MIPEP: variants seen among roughly 807,000 people sequenced by gnomAD.
MIPEP encodes mitochondrial intermediate peptidase.
MIPEP carries 79 observed loss-of-function variants against 90.3 expected under a neutral mutation model. The ratio of observed to expected loss-of-function variants is 0.87; its 90% CI spans 0.73 to 1.05. The LOEUF is 1.05. Ranked by LOEUF, MIPEP falls within the 50% of genes least tolerant of loss-of-function variation. The pLI, the probability that MIPEP is intolerant of heterozygous loss-of-function variation, is 0.00. For missense variants in MIPEP, 940 were observed against 905.6 expected, an observed-to-expected ratio of 1.04 and a Z score of -0.49; for synonymous variants, 334 against 315.8, an observed-to-expected ratio of 1.06 and a Z score of -0.61.
chr13:23,775,895 A>C (rs1952710024), intron 16 of MIPEP, among the ~76,000 whole-genome samples: 1 of 152,224 alleles, frequency 6.6e-6, no homozygotes, highest in Non-Finnish European at 1.5e-5. Flanking sequence ...AACTCTGGAT[A>C]AAATATTTAA....
chr13:23,865,915 C>T (rs2137509390), intron 7 of MIPEP, among the ~76,000 whole-genome samples: 1 of 152,260 alleles, frequency 6.6e-6, no homozygotes, highest in African/African-American at 2.4e-5. Context: ...AAGTGATCTG[C>T]CTGCCTCAGC....
At chr13:23,875,286 A>T (rs114260217) in intron 4 of MIPEP, among the ~76,000 whole-genome samples, 2 of 152,116 alleles carry the variant, frequency 1.3e-5, no homozygotes, top group African/African-American at 4.8e-5. Flanking sequence ...GTTTGTAATA[A>T]ATAATTATTT....
At chr13:23,874,198 A>G (rs1379894817) in intron 5 of MIPEP, among the ~76,000 whole-genome samples, 1 of 152,176 alleles carries the variant, frequency 6.6e-6, no homozygotes, top group African/African-American at 2.4e-5. Flanking sequence ...TGAACTTCCA[A>G]TGGTGTCAAG....
At chr13:23,795,277 G>C (rs1054230007) in intron 16 of MIPEP, among the ~76,000 whole-genome samples, 8 of 152,092 alleles carry the variant, frequency 5.3e-5, no homozygotes, top group Non-Finnish European at 1.0e-4. Flanking sequence ...TCTGGAGAGA[G>C]AGCAGTAAAT....
At chr13:23,875,255 A>G (rs1042453694) in intron 4 of MIPEP, among the ~76,000 whole-genome samples, 4 of 152,124 alleles carry the variant, frequency 2.6e-5, no homozygotes, top group Admixed American at 2.6e-4. Flanking sequence ...CAGGTTTGTA[A>G]TAAATAATTT....
chr13:23,817,145 G>A (rs1309387810), intron 14 of MIPEP, among the ~76,000 whole-genome samples: 2 of 152,184 alleles, frequency 1.3e-5, no homozygotes, highest in Non-Finnish European at 2.9e-5. Context: ...AGGTGGATGG[G>A]CAAATCCCAA....
intron 14 of MIPEP, among the ~76,000 whole-genome samples, chr13:23,822,093 G>A (rs1281452213): frequency 2.0e-5 from 3 of 152,164 alleles, no homozygotes; most frequent in Non-Finnish European, 4.4e-5. Context: ...TTGTACTACC[G>A]TAACAGTGGT....
intron 7 of MIPEP, 127 bp downstream of exon 7, chr13:23,869,165 G>T (rs1485979663): frequency 1.2e-6 from 1 of 843,710 alleles, no homozygotes; most frequent in East Asian, 2.8e-5. Flanking sequence ...AAAATACATA[G>T]AAAATCTCAA....
chr13:23,860,957 G>A (rs1419306538), intron 9 of MIPEP, among the ~76,000 whole-genome samples: 1 of 152,168 alleles, frequency 6.6e-6, no homozygotes, highest in Admixed American at 6.5e-5. Flanking sequence ...GGAGTGTGCA[G>A]TGCCTGGGGT....
chr13:23,751,128 T>C (rs1952436103), intron 18 of MIPEP, among the ~76,000 whole-genome samples: 2 of 152,232 alleles, frequency 1.3e-5, no homozygotes, highest in African/African-American at 4.8e-5. Flanking sequence ...AAGAAACTAG[T>C]AGATAGATAT....
intron 14 of MIPEP, among the ~76,000 whole-genome samples, chr13:23,826,748 T>C (rs1431178211): frequency 6.6e-6 from 1 of 151,610 alleles, no homozygotes; most frequent in Non-Finnish European, 1.5e-5. Context: ...AAAACAAGGA[T>C]GGAGGAAGGA....
intron 18 of MIPEP, among the ~76,000 whole-genome samples, chr13:23,742,070 C>T (rs1021974694): frequency 4.6e-5 from 7 of 152,158 alleles, no homozygotes; most frequent in Admixed American, 2.0e-4. Context: ...AGCAGCTATT[C>T]GAATGCAGTT....
chr13:23,860,130 C>T (rs1357855499), intron 9 of MIPEP, among the ~76,000 whole-genome samples: 1 of 152,214 alleles, frequency 6.6e-6, no homozygotes. Context: ...AGTGACTCAA[C>T]AATCAGAGGA....
At position 23,864,232 on chromosome 13, in the gene MIPEP, T is replaced by C. The variant is rs756809347; in HGVS notation, c.944-43A>G. The C allele has an allele frequency of 8.5e-6, 11 of 1,288,570 alleles. No individual in the cohort carries two copies. The Admixed American group carries it at 2.2e-4, about 26-fold the overall frequency. 79.8% of individuals were successfully genotyped at this position (1,288,570 alleles called of 1,614,324 possible). On this transcript the variant is annotated intron_variant, in intron 7 of 18. Coordinates refer to ENST00000382172, the MANE Select transcript of MIPEP (RefSeq NM_005932.4). ...AGAAAATATCTTCAATTATGTGAAA[T>C]AAAATGAACATATCTGTTAAAATTA...
rs9553054 is a variant in MIPEP at position 23,763,808 on chromosome 13, A to G, written c.1849-3591T>C. On this transcript the variant is annotated intron_variant, in intron 16 of 18. Transcript: ENST00000382172. ...GCTCTTTAATTACAGGTTTGGGTTC[A>G]GGACTACACCTCAAGACATGCTAAA... 5.3e-5 allele frequency among the ~76,000 whole-genome samples: 8 copies of G among 152,330 alleles called. No homozygotes were observed. In the East Asian group the frequency reaches 7.7e-4, roughly 15 times the overall value.
intron 17 of MIPEP, among the ~76,000 whole-genome samples, chr13:23,759,563 C>T (rs1168858178): frequency 1.3e-5 from 2 of 152,064 alleles, no homozygotes; most frequent in African/African-American, 2.4e-5. Flanking sequence ...TCACACCCTC[C>T]AGGAAGCAAG....
intron 16 of MIPEP, among the ~76,000 whole-genome samples, chr13:23,785,731 A>G (rs1952833088): frequency 6.6e-6 from 1 of 152,140 alleles, no homozygotes; most frequent in Non-Finnish European, 1.5e-5. Flanking sequence ...AGCAATAGGC[A>G]GGTAAATCGA....
At position 23,791,299 on chromosome 13, in the gene MIPEP, C is replaced by T. The variant is rs376937500; in HGVS notation, c.1848+14651G>A. ...CATCCCCACAGCTCTCTTTTCAAAC[C>T]AGTGGCACTAACCCCACTTGGGCCC... is the stretch of plus-strand genomic sequence containing the variant. On this transcript the variant is annotated intron_variant, in intron 16 of 18. Transcript: ENST00000382172. Among the ~76,000 whole-genome samples, 18 of 152,340 alleles carry T rather than the reference C, an allele frequency of 1.2e-4. 1 individual carries two copies. In the South Asian group the frequency reaches 2.9e-3, roughly 25 times the overall value.
At chr13:23,848,277 A>G (rs1288478867) in intron 10 of MIPEP, among the ~76,000 whole-genome samples, 1 of 152,192 alleles carries the variant, frequency 6.6e-6, no homozygotes, top group Non-Finnish European at 1.5e-5. Context: ...GGACAGGGAC[A>G]AGACTAAACC....
Sources: allele counts gnomAD v4.1 joint callset (sites outside exome capture counted in the v4.1 genomes callset), GRCh38; gene constraint gnomAD v4.1.1; transcripts MANE v1.5; gene names NCBI Gene and HGNC (gene_info 2026-07-23, HGNC 2026-07-21).